INTS4: variants seen among roughly 807,000 people sequenced by gnomAD.
The protein encoded by INTS4 is MSTP093.
INTS4 carries 70 observed loss-of-function variants against 119.5 expected under a neutral mutation model. The observed-to-expected ratio is 0.59, with a 90% CI of 0.48 to 0.71. The LOEUF is 0.71. Ranked by LOEUF, INTS4 falls within the 30% of genes least tolerant of loss-of-function variation. INTS4 has a pLI of 0.00. For synonymous variants in INTS4, 316 were observed against 419.6 expected (o/e 0.75, Z 3.02); for missense variants, 867 against 1,173.2 (o/e 0.74, Z 3.81).
rs564287605 is a variant in INTS4, at chr11:77,913,950, A to G, written c.1922+4871T>C. 4.3e-3 allele frequency among the ~76,000 whole-genome samples: 657 copies of G among 152,322 alleles called. 3 individuals carry two copies. The highest frequency in any genetic ancestry group is 0.015 in the African/African-American group (622 of 41,576). ...AAGTTGTGGAGAACCCCAGGGGTCA[A>G]CTGATCTAATCTCATGTGATACAGG... On this transcript the variant is annotated intron_variant, in intron 15 of 22. Coordinates refer to ENST00000534064, the MANE Select transcript of INTS4 (RefSeq NM_033547.4).
intron 15 of INTS4, among the ~76,000 whole-genome samples, 200 bp downstream of exon 15, chr11:77,918,621 G>A (rs1007575211): frequency 2.6e-5 from 4 of 151,968 alleles, no homozygotes; most frequent in Non-Finnish European, 4.4e-5. Context: ...ATCATCAATC[G>A]AGTCATGAAT....
intron 4 of INTS4, among the ~76,000 whole-genome samples, chr11:77,968,994 G>A (rs1312859005): frequency 1.3e-5 from 2 of 149,662 alleles, no homozygotes; most frequent in Non-Finnish European, 3.0e-5. Flanking sequence ...CCCAGGCTGG[G>A]GTGCAGTGGT....
chr11:77,992,308 G>A (rs962386980), intron 1 of INTS4, among the ~76,000 whole-genome samples: 5 of 151,962 alleles, frequency 3.3e-5, no homozygotes, highest in African/African-American at 1.2e-4. Flanking sequence ...TGAGGATTGC[G>A]TGAACCCAGG....
chr11:77,959,927 C>CT (rs1291055471), intron 6 of INTS4, among the ~76,000 whole-genome samples: 4 of 151,322 alleles, frequency 2.6e-5, no homozygotes, highest in African/African-American at 7.3e-5. Flanking sequence ...ATGCATGTGA[C>CT]TTTTTTTTTA....
chr11:77,958,992 G>A (rs1009824297), intron 6 of INTS4, among the ~76,000 whole-genome samples, 158 bp from the exon 7 acceptor site: 16 of 152,120 alleles, frequency 1.1e-4, no homozygotes, highest in African/African-American at 3.9e-4. Flanking sequence ...AATGAATCTT[G>A]ACCTCTGTCA....
At chr11:77,874,471 A>G (rs777118650), downstream of INTS4, among the ~76,000 whole-genome samples, 1 of 151,928 alleles carries the variant, frequency 6.6e-6, no homozygotes, top group Non-Finnish European at 1.5e-5. Flanking sequence ...GTTGTCTCCA[A>G]TTAAAGAGAA....
At chr11:77,886,775 G>A (rs560787265) in intron 21 of INTS4, among the ~76,000 whole-genome samples, 11 of 152,200 alleles carry the variant, frequency 7.2e-5, no homozygotes, top group African/African-American at 2.6e-4. Context: ...GGCAGGGTCC[G>A]CAGGCCTTGC....
chr11:77,949,487 T>C (rs1206040956), intron 8 of INTS4, among the ~76,000 whole-genome samples: 4 of 120,784 alleles, frequency 3.3e-5, no homozygotes, highest in African/African-American at 9.8e-5. Flanking sequence ...AGAGCTAATA[T>C]CCAGAATCTA....
chr11:77,928,636 C>A, intron 10 of INTS4, 89 bp from the exon 11 acceptor site: 1 of 1,513,000 alleles, frequency 6.6e-7, no homozygotes, highest in Non-Finnish European at 8.9e-7. Context: ...CCAAGGGAGG[C>A]AGATCACTTG....
chr11:77,954,850 G>C (rs1201671449), intron 8 of INTS4, among the ~76,000 whole-genome samples: 1 of 152,160 alleles, frequency 6.6e-6, no homozygotes, highest in Non-Finnish European at 1.5e-5. Context: ...TCCACAGCCT[G>C]GGGGTTTGAG....
chr11:77,990,964 T>G, intron 2 of INTS4, 144 bp downstream of exon 2: 1 of 661,430 alleles, frequency 1.5e-6, no homozygotes, highest in Non-Finnish European at 2.6e-6. Flanking sequence ...CTTTTTTATC[T>G]CGGTATCCAT....
chr11:77,941,890 A>T (rs1294060183), intron 8 of INTS4, among the ~76,000 whole-genome samples: 1 of 152,180 alleles, frequency 6.6e-6, no homozygotes, highest in Non-Finnish European at 1.5e-5. Context: ...AGTAAATACT[A>T]TATTAGTCCC....
chr11:77,970,649 C>A (rs1049750147), intron 4 of INTS4, among the ~76,000 whole-genome samples: 1 of 151,070 alleles, frequency 6.6e-6, no homozygotes, highest in Non-Finnish European at 1.5e-5. Context: ...GGTAACATGC[C>A]AAAACCCCAT....
At chr11:77,969,420 G>A (rs1235795461) in intron 4 of INTS4, among the ~76,000 whole-genome samples, 5 of 152,016 alleles carry the variant, frequency 3.3e-5, no homozygotes, top group Non-Finnish European at 7.4e-5. Flanking sequence ...TCGCTCTGTC[G>A]CCCAGGGTGG....
intron 15 of INTS4, among the ~76,000 whole-genome samples, chr11:77,916,863 T>C (rs1953216006): frequency 6.6e-6 from 1 of 152,246 alleles, no homozygotes; most frequent in Non-Finnish European, 1.5e-5. Context: ...CTGGGTCCTG[T>C]AATAAACAGT....
At chr11:77,882,656 A>ACTG (rs1951838081) in intron 22 of INTS4, among the ~76,000 whole-genome samples, 1 of 152,144 alleles carries the variant, frequency 6.6e-6, no homozygotes, top group Non-Finnish European at 1.5e-5. Flanking sequence ...GGGTAGCAGA[A>ACTG]CTGCTGGATG....
At chr11:77,990,859 C>T (rs1443473669) in intron 2 of INTS4, among the ~76,000 whole-genome samples, 3 of 152,152 alleles carry the variant, frequency 2.0e-5, no homozygotes, top group African/African-American at 7.2e-5. Context: ...ATACTGCACT[C>T]ACAGTAACTT....
intron 5 of INTS4, 138 bp downstream of exon 5, chr11:77,960,815 A>T: frequency 2.8e-6 from 2 of 708,234 alleles, no homozygotes; most frequent in Non-Finnish European, 4.5e-6. Flanking sequence ...TGTGTCACTG[A>T]GTTCTGCGAG....
Position 77,907,734 on chromosome 11 carries a change from G to A in INTS4, c.1999C>T (p.Gln667Ter), listed in dbSNP as rs1397494648. 1 of 1,613,420 alleles carries A rather than the reference G, an allele frequency of 6.2e-7. No homozygotes were observed. Among genetic ancestry groups the A allele is most frequent in the South Asian group, 1.1e-5 (1 of 91,016 alleles). Residue 667 changes from glutamine (Q) to a stop codon, truncating the protein, a stop_gained, in exon 16 of 23, where the codon CAA becomes TAA. Coordinates refer to ENST00000534064, the MANE Select transcript of INTS4 (RefSeq NM_033547.4). LOFTEE classifies it high-confidence loss of function. ...AAACCAACCTTGATGAGAAGTAGTT[G>A]ACAGCGAAGATAGGTGGCAGAGAAA... ...ADFSATYLRC[Q>*]LLLIKALQEK...
Sources: allele counts gnomAD v4.1 joint callset (sites outside exome capture counted in the v4.1 genomes callset), GRCh38; gene constraint gnomAD v4.1.1; transcripts MANE v1.5; gene names NCBI Gene and HGNC (gene_info 2026-07-23, HGNC 2026-07-21).